Variants in AFF1 observed in about 807,000 individuals in gnomAD.
AFF1 encodes ALF transcription elongation factor 1, also known as AF4/FMR2 family member 1.
Under a neutral mutation model 121.7 loss-of-function variants are expected in AFF1, and 48 were observed. The observed-to-expected ratio is 0.39, with a 90% CI of 0.31 to 0.50. AFF1 has a LOEUF of 0.50. AFF1 is among the 20% of genes least tolerant of loss of function. AFF1 has a pLI of 0.76. For synonymous variants in AFF1, 613 were observed against 563.0 expected (o/e 1.09, Z -1.26); for missense variants, 1,523 against 1,511.7 (o/e 1.01, Z -0.12).
Position 86,951,954 on chromosome 4 carries a change from C to T in AFF1, c.38+3383C>T, listed in dbSNP as rs563297585. 1.1e-3 allele frequency among the ~76,000 whole-genome samples: 166 copies of T among 147,476 alleles called. 1 individual carries two copies. The highest frequency in any genetic ancestry group is 4.2e-3 in the African/African-American group (166 of 39,836). On this transcript the variant is annotated intron_variant, in intron 2 of 20. Coordinates refer to ENST00000395146, the MANE Select transcript of AFF1 (RefSeq NM_001166693.3). ...TTTTTTTTTAAAGCAAAAAGCTAGA[C>T]AATTGTTTCATCATTTTTTATTAAA...
At chr4:86,944,725 A>G (rs541872074) in intron 1 of AFF1, among the ~76,000 whole-genome samples, 1 of 152,328 alleles carries the variant, frequency 6.6e-6, no homozygotes, top group African/African-American at 2.4e-5. Flanking sequence ...AGAGTGTACT[A>G]GGTTTGGAAG....
At chr4:87,018,322 T>C (rs1004662333) in intron 2 of AFF1, among the ~76,000 whole-genome samples, 17 of 152,052 alleles carry the variant, frequency 1.1e-4, no homozygotes, top group African/African-American at 3.6e-4. Flanking sequence ...ATAAAACAAG[T>C]GCAAATTGTG....
intron 2 of AFF1, among the ~76,000 whole-genome samples, chr4:87,022,105 T>C (rs1359227043): frequency 6.7e-6 from 1 of 148,342 alleles, no homozygotes; most frequent in Non-Finnish European, 1.5e-5. Context: ...CTTGGGAGAC[T>C]GAGGTGGGAG....
At position 87,114,790 on chromosome 4, in the gene AFF1, A is replaced by G; in HGVS notation, c.1957A>G (p.Lys653Glu). The change falls in exon 12 of 21, where the codon AAG becomes GAG. Residue 653 changes from lysine to glutamate, a missense_variant. Coordinates refer to ENST00000395146, the MANE Select transcript of AFF1 (RefSeq NM_001166693.3). ...GACTTCCAAAGACAAGCCCAAGGTG[A>G]AGACGAAAGGACGGCCCCGGGCCGC... The part of the protein sequence containing the change: ...DQTSKDKPKV[K>E]TKGRPRAAAS... 1.2e-6 allele frequency: 2 copies of G among 1,613,050 alleles called. No individual in the cohort carries two copies. Among genetic ancestry groups the G allele is most frequent in the Non-Finnish European group, 1.7e-6 (2 of 1,179,630 alleles).
chr4:87,020,277 T>G lies in AFF1; in HGVS notation c.39-25889T>G, dbSNP rs571353692. 1.3e-4 allele frequency among the ~76,000 whole-genome samples: 20 copies of G among 152,380 alleles called. 1 individual carries two copies. Among genetic ancestry groups the G allele is most frequent in the Non-Finnish European group, 2.6e-4 (18 of 68,038 alleles). On this transcript the variant is annotated intron_variant, in intron 2 of 20. Transcript: ENST00000395146. ...TGAGTTATAGACCTTTGTGGCATAA[T>G]GATTGCTTTTATGAATGTTTCACGA... is the stretch of plus-strand genomic sequence containing the variant.
chr4:87,001,028 G>A (rs1039923227), intron 2 of AFF1, among the ~76,000 whole-genome samples: 3 of 151,894 alleles, frequency 2.0e-5, no homozygotes, highest in Non-Finnish European at 4.4e-5. Context: ...GCACCTTGCC[G>A]CAGGCTTGTT....
At chr4:87,110,998 ATT>A (rs1263757983) in intron 11 of AFF1, among the ~76,000 whole-genome samples, 25 of 81,026 alleles carry the variant, frequency 3.1e-4, no homozygotes, top group South Asian at 1.3e-3. Flanking sequence ...CTTAAACTTT[ATT>A]TTTTTTTTTT....
chr4:87,075,861 C>T (rs1043526159), intron 4 of AFF1, among the ~76,000 whole-genome samples: 1 of 152,106 alleles, frequency 6.6e-6, no homozygotes, highest in African/African-American at 2.4e-5. Context: ...CCATAAAACT[C>T]TAATTACTTT....
chr4:87,094,137 TTCTTGTTTGTTCCCACTGTCCTCTCTC>T (rs1348063316), intron 7 of AFF1, among the ~76,000 whole-genome samples: 1 of 152,154 alleles, frequency 6.6e-6, no homozygotes, highest in African/African-American at 2.4e-5. Flanking sequence ...GACCCTCTTC[TTCTTGTTTGTTCCCACTGTCCTCTCTC>T]TCTTGCCAGC....
intron 2 of AFF1, chr4:86,950,075 G>A (rs1313249748): frequency 1.3e-5 from 21 of 1,614,154 alleles, no homozygotes; most frequent in East Asian, 4.5e-5. Flanking sequence ...GGCCATCCAC[G>A]CGGCGAAGCC....
rs996310310 is a variant in AFF1, at chr4:87,134,644, C to G, written c.3485C>G (p.Thr1162Ser). Residue 1162 changes from threonine (T) to serine (S), a missense_variant, in exon 20 of 21, where the codon ACC (threonine) becomes AGC (serine). Coordinates refer to ENST00000395146, the MANE Select transcript of AFF1 (RefSeq NM_001166693.3). ...GTCACCATCACATCCCATGTTCTTA[C>G]CGCCTTTGACCTTTGGGAACAGGCC... ...SYVTITSHVL[T>S]AFDLWEQAEA... The G allele has an allele frequency of 3.1e-6, 5 of 1,614,166 alleles. No individual in the cohort carries two copies. The highest frequency in any genetic ancestry group is 4.2e-6 in the Non-Finnish European group (5 of 1,180,036).
At chr4:87,066,721 C>A (rs2049904) in intron 4 of AFF1, among the ~76,000 whole-genome samples, 2 of 152,148 alleles carry the variant, frequency 1.3e-5, no homozygotes, top group African/African-American at 4.8e-5. Context: ...TTCTTCTTGT[C>A]TAATAAATGG....
At chr4:87,029,083 G>A (rs1404543731) in intron 2 of AFF1, among the ~76,000 whole-genome samples, 2 of 152,122 alleles carry the variant, frequency 1.3e-5, no homozygotes, top group East Asian at 1.9e-4. Context: ...GACTGAAATC[G>A]GGCAGGTTGT....
intron 2 of AFF1, among the ~76,000 whole-genome samples, chr4:86,980,018 C>G (rs2149489436): frequency 6.6e-6 from 1 of 152,272 alleles, no homozygotes; most frequent in South Asian, 2.1e-4. Flanking sequence ...TCAAGTGATT[C>G]TCCTGCCTCA....
At chr4:87,006,871 C>T (rs931369599) in intron 2 of AFF1, 102 of 803,964 alleles carry the variant, frequency 1.3e-4, no homozygotes, top group Non-Finnish European at 1.5e-4. Flanking sequence ...CGCTTGCCGC[C>T]TGCCTTTGGC....
At chr4:87,037,472 C>T (rs756305077) in intron 2 of AFF1, among the ~76,000 whole-genome samples, 31 of 152,052 alleles carry the variant, frequency 2.0e-4, no homozygotes, top group Admixed American at 2.0e-4. Context: ...CCACCACACC[C>T]GGCCAATGTT....
intron 8 of AFF1, among the ~76,000 whole-genome samples, chr4:87,095,458 C>T (rs1432084909): frequency 6.6e-6 from 1 of 152,094 alleles, no homozygotes; most frequent in Non-Finnish European, 1.5e-5. Context: ...GGTCTATGTA[C>T]CATTGGAGAG....
chr4:87,050,342 G>A (rs2149624514), intron 4 of AFF1, among the ~76,000 whole-genome samples: 1 of 152,170 alleles, frequency 6.6e-6, no homozygotes, highest in East Asian at 1.9e-4. Context: ...GGGATAGTTG[G>A]GTTTTGTGGT....
chr4:87,074,110 T>G (rs1182497242), intron 4 of AFF1, among the ~76,000 whole-genome samples: 1 of 151,910 alleles, frequency 6.6e-6, no homozygotes, highest in Non-Finnish European at 1.5e-5. Flanking sequence ...AAGCTACTAC[T>G]CATGCTTTGC....
Sources: allele counts gnomAD v4.1 joint callset (sites outside exome capture counted in the v4.1 genomes callset), GRCh38; gene constraint gnomAD v4.1.1; transcripts MANE v1.5; gene names NCBI Gene and HGNC (gene_info 2026-07-23, HGNC 2026-07-21).